Variants in LRIG3 observed in about 807,000 individuals in gnomAD.
LRIG3 encodes the protein leucine-rich repeats and immunoglobulin-like domains protein 3.
A neutral mutation model predicts 114.5 loss-of-function variants in LRIG3; 76 were observed. That is an observed-to-expected ratio of 0.66 (90% CI 0.55 to 0.80). LRIG3 has a LOEUF of 0.80. Ranked by LOEUF, LRIG3 falls within the 30% of genes least tolerant of loss-of-function variation. LRIG3 has a pLI of 0.00. For missense variants in LRIG3, 1,239 were observed against 1,382.8 expected, an observed-to-expected ratio of 0.90 and a Z score of 1.65; for synonymous variants, 512 against 519.8, an observed-to-expected ratio of 0.98 and a Z score of 0.20.
intron 3 of LRIG3, among the ~76,000 whole-genome samples, chr12:58,907,095 C>T (rs1872094751): frequency 6.6e-6 from 1 of 152,194 alleles, no homozygotes; most frequent in South Asian, 2.1e-4. Flanking sequence ...CTCCACACAT[C>T]CTGAAACCTA....
chr12:58,909,558 A>T (rs1335819428), intron 3 of LRIG3, among the ~76,000 whole-genome samples: 1 of 152,202 alleles, frequency 6.6e-6, no homozygotes, highest in Non-Finnish European at 1.5e-5. Context: ...TAGATACTCA[A>T]AACATTGTAG....
intron 3 of LRIG3, among the ~76,000 whole-genome samples, chr12:58,905,493 T>C (rs535110234): frequency 6.6e-6 from 1 of 152,340 alleles, no homozygotes; most frequent in Non-Finnish European, 1.5e-5. Context: ...CTAAACGTAA[T>C]ATCTGGTTTG....
chr12:58,919,620 C>G lies in LRIG3; in HGVS notation c.236+380G>C, dbSNP rs1872599363. 12 of 1,490,036 alleles carry G rather than the reference C, an allele frequency of 8.1e-6. No homozygotes were observed. In the South Asian group the frequency reaches 1.5e-4, roughly 18 times the overall value. The allele number at this position is 1,490,036 out of a possible 1,614,324, so 92.3% of individuals were successfully genotyped here. The stretch of plus-strand genomic sequence containing the variant: ...AACCAGACTCATAACTCAGCGAGAA[C>G]TGCAAACTCCTGATGTGTGCAGGTT... On this transcript the variant is annotated intron_variant, in intron 1 of 18. Coordinates refer to ENST00000320743, the MANE Select transcript of LRIG3 (RefSeq NM_153377.5).
chr12:58,920,346 G>T lies in LRIG3; in HGVS notation c.-111C>A. The T allele has an allele frequency of 2.7e-6, 2 of 745,494 alleles. No individual in the cohort carries two copies. The highest frequency in any genetic ancestry group is 3.8e-6 in the Non-Finnish European group (2 of 529,816). 46.2% of individuals were successfully genotyped at this position (745,494 alleles called of 1,614,324 possible). Reference sequence around the variant, plus strand: ...CGCCCGCCCTCGCGGTCGCGTGCGCGCTCCTCCCTCGCGCTGCCCGGTCAA... The same window carrying T: ...CGCCCGCCCTCGCGGTCGCGTGCGCTCTCCTCCCTCGCGCTGCCCGGTCAA... On this transcript the variant is annotated 5_prime_UTR_variant, in exon 1 of 19. Transcript: ENST00000320743.
intron 3 of LRIG3, among the ~76,000 whole-genome samples, chr12:58,898,170 C>T (rs530688935): frequency 6.6e-6 from 1 of 152,332 alleles, no homozygotes; most frequent in Admixed American, 6.5e-5. Context: ...ATTAATCAAC[C>T]TGCTGATAAG....
In LRIG3 at chr12:58,877,531, T is replaced by C. The variant is rs1197214236; in HGVS notation, c.2405A>G (p.Asp802Gly). Residue 802 changes from aspartate to glycine, a missense_variant, in exon 15 of 19, where the codon GAT (aspartate) becomes GGT (glycine). By Grantham distance (94) the Asp-to-Gly change is moderately conservative. Transcript: ENST00000320743. ...SPQMTAPSLD[D>G]DGWATVGVVI... The stretch of plus-strand genomic sequence containing the variant: ...GACACCCACAGTGGCCCATCCGTCA[T>C]CGTCTAACGATGGGGCTGTCATCTG... The C allele has an allele frequency of 1.2e-6, 2 of 1,614,074 alleles. No individual in the cohort carries two copies. The highest frequency in any genetic ancestry group is 2.7e-5 in the African/African-American group (2 of 74,912).
intron 3 of LRIG3, among the ~76,000 whole-genome samples, chr12:58,898,584 G>A (rs1047013866): frequency 2.0e-5 from 3 of 152,070 alleles, no homozygotes; most frequent in Non-Finnish European, 4.4e-5. Context: ...ATGTGTAAAA[G>A]CTGTCACTTC....
chr12:58,918,273 GTTT>G (rs1872549545), intron 1 of LRIG3, among the ~76,000 whole-genome samples: 2 of 152,178 alleles, frequency 1.3e-5, no homozygotes, highest in African/African-American at 4.8e-5. Flanking sequence ...ACTCTAATTT[GTTT>G]TTAGTGTGCC....
intron 3 of LRIG3, among the ~76,000 whole-genome samples, chr12:58,901,146 A>T (rs919073059): frequency 1.3e-5 from 2 of 152,256 alleles, no homozygotes; most frequent in African/African-American, 4.8e-5. Context: ...TTGGAATTTT[A>T]ATCAAGCATT....
chr12:58,882,973 A>G lies in LRIG3; in HGVS notation c.1376T>C (p.Val459Ala). The G allele has an allele frequency of 1.2e-6, 2 of 1,614,150 alleles. No homozygotes were observed. The highest frequency in any genetic ancestry group is 2.2e-5 in the South Asian group (2 of 91,088). ...DCQLKWLPQW[V>A]AENNFQSFVN... ...AAAGCTCTGAAAGTTGTTTTCCGCCACCCACTGTGGGAGCCATTTTAGCTG... is the reference window on the plus strand; with the variant it reads ...AAAGCTCTGAAAGTTGTTTTCCGCCGCCCACTGTGGGAGCCATTTTAGCTG... The change falls in exon 12 of 19, where the codon GTG becomes GCG. Residue 459 changes from valine (V) to alanine (A), a missense_variant. Val to Ala is a moderately conservative substitution (Grantham distance 64). Transcript: ENST00000320743.
Position 58,880,913 on chromosome 12 carries a change from G to A in LRIG3, c.1481-12C>T. On this transcript the variant is annotated splice_polypyrimidine_tract_variant and intron_variant, in intron 12 of 18. Transcript: ENST00000320743. ...TTTGGGAAAATCATCTGTTAAAAAT[G>A]GAGAGGAGGAGACAAAACAATGTTA... 2 of 1,605,466 alleles carry A rather than the reference G, an allele frequency of 1.2e-6. No homozygotes were observed. The highest frequency in any genetic ancestry group is 1.3e-5 in the African/African-American group (1 of 74,840).
At chr12:58,908,391 A>C (rs1200564060) in intron 3 of LRIG3, among the ~76,000 whole-genome samples, 1 of 152,192 alleles carries the variant, frequency 6.6e-6, no homozygotes, top group Non-Finnish European at 1.5e-5. Flanking sequence ...AGTAGTTCAG[A>C]AATGTGAAGG....
intron 3 of LRIG3, among the ~76,000 whole-genome samples, chr12:58,912,974 T>C (rs1044778904): frequency 6.6e-6 from 1 of 152,230 alleles, no homozygotes; most frequent in African/African-American, 2.4e-5. Context: ...CAAATGTCAC[T>C]TAGCTCTTAT....
chr12:58,872,455 A>G lies in LRIG3; in HGVS notation c.*117T>C. On this transcript the variant is annotated 3_prime_UTR_variant, in exon 19 of 19. Coordinates refer to ENST00000320743, the MANE Select transcript of LRIG3 (RefSeq NM_153377.5). The stretch of plus-strand genomic sequence containing the variant: ...AATTTTGGTTCATCTGTATAAATAA[A>G]GCATTTTTATCCTTTTAAAATTCAT... 1 of 1,207,816 alleles carries G rather than the reference A, an allele frequency of 8.3e-7. No homozygotes were observed. Among genetic ancestry groups the G allele is most frequent in the Non-Finnish European group, 1.1e-6 (1 of 916,758 alleles). The allele number at this position is 1,207,816 out of a possible 1,614,324, so 74.8% of individuals were successfully genotyped here.
chr12:58,920,129 C>A lies in LRIG3; in HGVS notation c.107G>T (p.Gly36Val). The stretch of plus-strand genomic sequence containing the variant: ...CTCGGCGGCTACCCCAGAGGGCTGC[C>A]CGAGTTCCCCGCGACCGCCGCTGTC... Reference protein sequence around the residue: ...RSDSGGRGELGQPSGVAAERP... With the variant: ...RSDSGGRGELVQPSGVAAERP... The change falls in exon 1 of 19, where the codon GGG (glycine) becomes GTG (valine). Residue 36 changes from glycine to valine, a missense_variant. Physicochemically the swap from Gly to Val is moderately radical, Grantham distance 109 (BLOSUM62 -3). Transcript: ENST00000320743. The A allele has an allele frequency of 6.5e-7, 1 of 1,545,712 alleles. No individual in the cohort carries two copies. Among genetic ancestry groups the A allele is most frequent in the Non-Finnish European group, 8.7e-7 (1 of 1,146,668 alleles).
chr12:58,917,112 A>G (rs932453511), intron 1 of LRIG3, among the ~76,000 whole-genome samples: 5 of 152,160 alleles, frequency 3.3e-5, no homozygotes, highest in East Asian at 1.9e-4. Flanking sequence ...TGTGAAAACC[A>G]TAAGGACTAT....
At chr12:58,912,642 C>T (rs911675401) in intron 3 of LRIG3, among the ~76,000 whole-genome samples, 8 of 152,242 alleles carry the variant, frequency 5.3e-5, no homozygotes, top group African/African-American at 1.9e-4. Context: ...CAGATCCTCT[C>T]AGCCATGAAG....
intron 3 of LRIG3, among the ~76,000 whole-genome samples, chr12:58,897,775 T>C (rs568021957): frequency 2.0e-5 from 3 of 152,180 alleles, no homozygotes; most frequent in Non-Finnish European, 4.4e-5. Context: ...TCTGAAGTAA[T>C]TTATGTACAA....
At chr12:58,873,159 GTGTT>G (rs1405114148) in intron 18 of LRIG3, among the ~76,000 whole-genome samples, 1 of 152,164 alleles carries the variant, frequency 6.6e-6, no homozygotes, top group Non-Finnish European at 1.5e-5. Flanking sequence ...GGTGACGGGT[GTGTT>G]GGATGGTAAC....
Sources: gnomAD v4.1 joint callset for allele counts (sites outside exome capture counted in the v4.1 genomes callset) on GRCh38, gnomAD v4.1.1 for gene constraint, MANE v1.5 for transcripts, NCBI Gene and HGNC (gene_info 2026-07-23, HGNC 2026-07-21) for gene names.